The following SMARCAD1 variants were observed in gnomAD, a reference collection of about 807,000 sequenced individuals.
SMARCAD1 encodes the protein SWI/SNF-related matrix-associated actin-dependent regulator of chromatin subfamily A containing DEAD/H box 1.
Under a neutral mutation model 127.1 loss-of-function variants are expected in SMARCAD1, and 25 were observed. The observed-to-expected ratio is 0.20, with a 90% CI of 0.14 to 0.27. The LOEUF (loss-of-function observed/expected upper bound fraction) is 0.27, where lower values mean the gene tolerates loss of function less well. SMARCAD1 is among the 10% of genes least tolerant of loss of function. The probability of loss-of-function intolerance (pLI) is 1.00; values close to 1 mark genes in which losing one functional copy is unlikely to be tolerated. For missense variants in SMARCAD1, 807 were observed against 1,206.0 expected, an observed-to-expected ratio of 0.67 and a Z score of 4.90; for synonymous variants, 400 against 396.9, an observed-to-expected ratio of 1.01 and a Z score of -0.09.
intron 2 of SMARCAD1, among the ~76,000 whole-genome samples, chr4:94,224,674 A>G (rs116737059): frequency 4.4e-4 from 67 of 152,304 alleles, no homozygotes; most frequent in African/African-American, 1.6e-3. Flanking sequence ...GATTGTTATA[A>G]TTTAGTGTTA....
chr4:94,239,932 G>A (rs1747322621), intron 5 of SMARCAD1, among the ~76,000 whole-genome samples: 1 of 152,046 alleles, frequency 6.6e-6, no homozygotes, highest in Non-Finnish European at 1.5e-5. Flanking sequence ...AAGATTATCT[G>A]GTTTGAAGGT....
At chr4:94,210,182 C>T (rs1349884833) in intron 2 of SMARCAD1, among the ~76,000 whole-genome samples, 1 of 152,050 alleles carries the variant, frequency 6.6e-6, no homozygotes, top group African/African-American at 2.4e-5. Context: ...GGACTTTTTT[C>T]CATACATAAA....
intron 6 of SMARCAD1, chr4:94,248,569 C>T: frequency 2.2e-6 from 1 of 455,712 alleles, no homozygotes; most frequent in Non-Finnish European, 4.4e-6. Flanking sequence ...TCTTATTATT[C>T]CCCTGCTCAA....
intron 9 of SMARCAD1, 58 bp from the exon 10 acceptor site, chr4:94,264,649 A>G: frequency 6.8e-7 from 1 of 1,465,058 alleles, no homozygotes. Flanking sequence ...AGAAATCAGG[A>G]TTGCCTTTCT....
intron 16 of SMARCAD1, among the ~76,000 whole-genome samples, chr4:94,277,432 A>C (rs1200612134): frequency 6.6e-6 from 1 of 152,212 alleles, no homozygotes; most frequent in African/African-American, 2.4e-5. Flanking sequence ...GCTCAGATAT[A>C]TAGTATGTGC....
At chr4:94,286,581 CTCTG>C (rs1290885388) in intron 23 of SMARCAD1, among the ~76,000 whole-genome samples, 1 of 148,786 alleles carries the variant, frequency 6.7e-6, no homozygotes, top group Non-Finnish European at 1.5e-5. Context: ...GTAGACAACT[CTCTG>C]TCTGCTGTTG....
intron 5 of SMARCAD1, among the ~76,000 whole-genome samples, chr4:94,238,578 A>G (rs1747073881): frequency 6.6e-6 from 1 of 152,142 alleles, no homozygotes; most frequent in Non-Finnish European, 1.5e-5. Flanking sequence ...GTGCCACTGC[A>G]CTGCAGCCTG....
At chr4:94,233,897 G>T (rs564816216) in intron 3 of SMARCAD1, 57 bp from the exon 4 acceptor site, 1 of 1,546,832 alleles carries the variant, frequency 6.5e-7, no homozygotes, top group African/African-American at 1.4e-5. Flanking sequence ...ACACTATAAT[G>T]AAATAACATT....
intron 2 of SMARCAD1, among the ~76,000 whole-genome samples, chr4:94,220,645 T>C (rs934411597): frequency 3.9e-5 from 6 of 152,210 alleles, no homozygotes; most frequent in Non-Finnish European, 8.8e-5. Context: ...ATAATAATAT[T>C]AAGACACTAC....
chr4:94,266,274 A>C (rs1751718326), intron 10 of SMARCAD1, among the ~76,000 whole-genome samples: 1 of 152,088 alleles, frequency 6.6e-6, no homozygotes, highest in Non-Finnish European at 1.5e-5. Context: ...GATTTTTAAA[A>C]ATCAAGTGCT....
chr4:94,207,788 C>A, upstream of SMARCAD1: 1 of 227,566 alleles, frequency 4.4e-6, no homozygotes, highest in South Asian at 5.5e-5. Context: ...TAAAAAGATG[C>A]CTTAGCATGC....
chr4:94,284,851 T>C lies in SMARCAD1; in HGVS notation c.2910-109T>C, dbSNP rs139950923. 1.9e-4 allele frequency: 138 copies of C among 724,740 alleles called. No homozygotes were observed. In the African/African-American group the frequency reaches 2.0e-3, roughly 11 times the overall value. The allele number at this position is 724,740 out of a possible 1,614,324, so 44.9% of individuals were successfully genotyped here. A position where few individuals can be genotyped will look rare whatever the true frequency, so the allele number is the denominator to read the frequency against. ...GCTTAAATAAAAGAATTTAAGGATA[T>C]GTTTGTCGTAATTTTCAAAGTATTC... is the stretch of plus-strand genomic sequence containing the variant. On this transcript the variant is annotated intron_variant, in intron 22 of 23. Transcript: ENST00000354268.
intron 3 of SMARCAD1, among the ~76,000 whole-genome samples, chr4:94,231,828 C>G (rs1745890653): frequency 6.6e-6 from 1 of 151,772 alleles, no homozygotes; most frequent in African/African-American, 2.4e-5. Context: ...CTAAAGAGAT[C>G]AAGTCTTTTC....
At position 94,207,907 on chromosome 4, in the gene SMARCAD1, G is replaced by A; in HGVS notation, c.-213G>A. 3.0e-6 allele frequency: 1 copy of A among 333,166 alleles called. No homozygotes were observed. The highest frequency in any genetic ancestry group is 2.4e-5 in the South Asian group (1 of 41,070). 20.6% of individuals were successfully genotyped at this position (333,166 alleles called of 1,614,324 possible). ...GATGCCCGCCAGCACGGCCTCCGCC[G>A]CTCCCCTTCTTTGGCCCCTTTGTGT... is the stretch of plus-strand genomic sequence containing the variant. On this transcript the variant is annotated 5_prime_UTR_variant, in exon 1 of 24. Transcript: ENST00000354268.
intron 6 of SMARCAD1, among the ~76,000 whole-genome samples, chr4:94,245,396 A>G (rs917182552): frequency 2.6e-5 from 4 of 152,212 alleles, no homozygotes; most frequent in Non-Finnish European, 5.9e-5. Flanking sequence ...CCTTGAAGAT[A>G]ATGGCTTTAC....
At chr4:94,266,428 A>T (rs139387198) in intron 10 of SMARCAD1, among the ~76,000 whole-genome samples, 3 of 152,230 alleles carry the variant, frequency 2.0e-5, no homozygotes, top group Non-Finnish European at 4.4e-5. Flanking sequence ...TGAGAAAAAT[A>T]GTTGTTGTTG....
intron 9 of SMARCAD1, among the ~76,000 whole-genome samples, chr4:94,264,122 A>G (rs1751399885): frequency 6.6e-6 from 1 of 151,904 alleles, no homozygotes; most frequent in Non-Finnish European, 1.5e-5. Flanking sequence ...GATTCATGTG[A>G]TATCTCTCCG....
At chr4:94,243,485 G>C (rs1747926215) in intron 6 of SMARCAD1, among the ~76,000 whole-genome samples, 1 of 152,134 alleles carries the variant, frequency 6.6e-6, no homozygotes, top group Non-Finnish European at 1.5e-5. Flanking sequence ...CAAGTCTCAT[G>C]GTCATTTGAT....
chr4:94,284,544 T>C (rs181670598), intron 22 of SMARCAD1, among the ~76,000 whole-genome samples: 1 of 150,376 alleles, frequency 6.6e-6, no homozygotes, highest in Admixed American at 6.6e-5. Flanking sequence ...ATTACAGGTG[T>C]GTGCCACCAC....
Sources: allele counts gnomAD v4.1 joint callset (sites outside exome capture counted in the v4.1 genomes callset), GRCh38; gene constraint gnomAD v4.1.1; transcripts MANE v1.5; gene names NCBI Gene and HGNC (gene_info 2026-07-23, HGNC 2026-07-21).